The following CDYL variants were observed in gnomAD, a reference collection of about 807,000 sequenced individuals.
CDYL encodes chromodomain Y like, also known as chromodomain Y-like protein.
A neutral mutation model predicts 47.3 loss-of-function variants in CDYL; 8 were observed. The ratio of observed to expected loss-of-function variants is 0.17; its 90% CI spans 0.10 to 0.31. The LOEUF (loss-of-function observed/expected upper bound fraction) is 0.31. Among genes scored for constraint, CDYL ranks in the 10% least tolerant of loss-of-function variants. The probability of loss-of-function intolerance (pLI) is 1.00; values close to 1 mark genes in which losing one functional copy is unlikely to be tolerated. For missense variants in CDYL, 471 were observed against 701.4 expected, an observed-to-expected ratio of 0.67 and a Z score of 3.71; for synonymous variants, 266 against 265.0, an observed-to-expected ratio of 1.00 and a Z score of -0.04.
At chr6:4,869,775 A>G (rs1285573396) in intron 1 of CDYL, among the ~76,000 whole-genome samples, 1 of 152,142 alleles carries the variant, frequency 6.6e-6, no homozygotes, top group Non-Finnish European at 1.5e-5. Flanking sequence ...TATTTATTAT[A>G]CAGAATGTGT....
chr6:4,791,092 C>T (rs1758904249), intron 1 of CDYL, among the ~76,000 whole-genome samples: 1 of 152,170 alleles, frequency 6.6e-6, no homozygotes, highest in African/African-American at 2.4e-5. Flanking sequence ...TTGGAGAATA[C>T]ATTAAGGGAG....
At chr6:4,931,549 G>A (rs1758033861) in intron 2 of CDYL, among the ~76,000 whole-genome samples, 1 of 152,294 alleles carries the variant, frequency 6.6e-6, no homozygotes, top group East Asian at 1.9e-4. Context: ...TGAGAACACT[G>A]TGGCATGATT....
chr6:4,750,500 C>T (rs1208502297), intron 3 of CDYL, among the ~76,000 whole-genome samples: 1 of 151,880 alleles, frequency 6.6e-6, no homozygotes, highest in Non-Finnish European at 1.5e-5. Flanking sequence ...CCATGCCCGG[C>T]CAAAAAAATT....
chr6:4,922,122 G>A (rs1242092766), intron 2 of CDYL, among the ~76,000 whole-genome samples: 1 of 152,154 alleles, frequency 6.6e-6, no homozygotes, highest in Non-Finnish European at 1.5e-5. Flanking sequence ...TTGGGCAGGC[G>A]AGGTGGTTAG....
intron 3 of CDYL, among the ~76,000 whole-genome samples, chr6:4,737,956 AAAGT>A (rs1757732680): frequency 1.3e-5 from 2 of 152,264 alleles, no homozygotes; most frequent in East Asian, 1.9e-4. Context: ...AGCCTAAAAG[AAAGT>A]GTTTGCAACA....
intron 2 of CDYL, among the ~76,000 whole-genome samples, chr6:4,726,045 C>T (rs1757506783): frequency 6.6e-6 from 1 of 152,178 alleles, no homozygotes; most frequent in Non-Finnish European, 1.5e-5. Flanking sequence ...GAAATCATCA[C>T]GAATGTCAGC....
At chr6:4,937,834 A>G (rs1171353663) in intron 4 of CDYL, 97 bp downstream of exon 4, 4 of 879,972 alleles carry the variant, frequency 4.5e-6, no homozygotes, top group Non-Finnish European at 7.0e-6. Flanking sequence ...TGAGAATAAG[A>G]TACACATCTT....
At chr6:4,745,336 A>G (rs1290210689) in intron 3 of CDYL, among the ~76,000 whole-genome samples, 1 of 152,218 alleles carries the variant, frequency 6.6e-6, no homozygotes, top group Non-Finnish European at 1.5e-5. Flanking sequence ...GGGGAAAGAA[A>G]GAGGTTGGCA....
intron 2 of CDYL, among the ~76,000 whole-genome samples, chr6:4,906,361 A>G (rs1392135100): frequency 6.6e-6 from 1 of 152,248 alleles, no homozygotes; most frequent in African/African-American, 2.4e-5. Flanking sequence ...CCATGAGAGC[A>G]TAACGTGAGC....
intron 1 of CDYL, among the ~76,000 whole-genome samples, chr6:4,867,843 A>G (rs1761364746): frequency 1.4e-5 from 2 of 144,056 alleles, no homozygotes; most frequent in African/African-American, 5.2e-5. Context: ...TTGGTAACTT[A>G]TAGTTTCCTA....
chr6:4,921,251 G>A (rs183077824), intron 2 of CDYL, among the ~76,000 whole-genome samples: 26 of 152,288 alleles, frequency 1.7e-4, no homozygotes, highest in Non-Finnish European at 3.2e-4. Context: ...CACAGGACAT[G>A]GAATACTAGT....
chr6:4,779,061 A>G (rs542750955), intron 1 of CDYL, among the ~76,000 whole-genome samples: 1 of 152,338 alleles, frequency 6.6e-6, no homozygotes, highest in East Asian at 1.9e-4. Context: ...ATTGTATGGT[A>G]ACTGGCTTAA....
upstream of CDYL, among the ~76,000 whole-genome samples, chr6:4,774,214 A>G (rs1758381533): frequency 6.6e-6 from 1 of 152,224 alleles, no homozygotes; most frequent in Admixed American, 6.5e-5. Context: ...TGTTATATGT[A>G]TCTATTTCCT....
At chr6:4,869,572 C>G (rs1761416380) in intron 1 of CDYL, among the ~76,000 whole-genome samples, 1 of 151,872 alleles carries the variant, frequency 6.6e-6, no homozygotes, top group Non-Finnish European at 1.5e-5. Context: ...ATTTTTTGGC[C>G]TGTACCATAT....
intron 1 of CDYL, among the ~76,000 whole-genome samples, chr6:4,881,007 T>C (rs1173877978): frequency 6.6e-6 from 1 of 152,230 alleles, no homozygotes; most frequent in Non-Finnish European, 1.5e-5. Flanking sequence ...TTACATAGCA[T>C]TTTCTTTTAC....
chr6:4,873,392 A>G (rs1761529195), intron 1 of CDYL, among the ~76,000 whole-genome samples: 1 of 152,196 alleles, frequency 6.6e-6, no homozygotes, highest in Admixed American at 6.5e-5. Context: ...TTATGCACAT[A>G]GAATTCCCAA....
At chr6:4,842,810 C>T (rs867750181) in intron 1 of CDYL, among the ~76,000 whole-genome samples, 3 of 151,940 alleles carry the variant, frequency 2.0e-5, no homozygotes, top group African/African-American at 4.8e-5. Context: ...AACATGGGAA[C>T]GAATATGAAA....
chr6:4,889,986 G>C, intron 1 of CDYL: 1 of 985,382 alleles, frequency 1.0e-6, no homozygotes. Context: ...GGAACCAGTG[G>C]TACATGGTTA....
At chr6:4,717,701 C>G (rs1757290802) in intron 2 of CDYL, among the ~76,000 whole-genome samples, 1 of 34,802 alleles carries the variant, frequency 2.9e-5, no homozygotes, top group African/African-American at 2.7e-4. Flanking sequence ...CAAAGACCCT[C>G]ACAAAAAAAA....
Sources: gnomAD v4.1 joint callset for allele counts (sites outside exome capture counted in the v4.1 genomes callset) on GRCh38, gnomAD v4.1.1 for gene constraint, MANE v1.5 for transcripts, NCBI Gene and HGNC (gene_info 2026-07-23, HGNC 2026-07-21) for gene names.